NUTF2: variants seen among roughly 807,000 people sequenced by gnomAD.
The protein encoded by NUTF2 is nuclear transport factor 2.
NUTF2 carries 3 observed loss-of-function variants against 18.5 expected under a neutral mutation model. The ratio of observed to expected loss-of-function variants is 0.16; its 90% CI spans 0.07 to 0.42. The LOEUF (loss-of-function observed/expected upper bound fraction) is 0.42. Ranked by LOEUF, NUTF2 falls within the 10% of genes least tolerant of loss-of-function variation. The pLI is 0.99. For synonymous variants in NUTF2, 51 were observed against 57.9 expected, an observed-to-expected ratio of 0.88 and a Z score of 0.54; for missense variants, 44 against 160.7, an observed-to-expected ratio of 0.27 and a Z score of 3.93.
intron 2 of NUTF2, among the ~76,000 whole-genome samples, chr16:67,866,971 T>G (rs2057977242): frequency 6.7e-6 from 1 of 150,106 alleles, no homozygotes. Flanking sequence ...TCATTATCAC[T>G]CTCCCTTTTT....
intron 2 of NUTF2, among the ~76,000 whole-genome samples, chr16:67,868,003 T>C (rs1567385363): frequency 6.6e-6 from 1 of 152,178 alleles, no homozygotes; most frequent in Non-Finnish European, 1.5e-5. Flanking sequence ...TGATGACCTT[T>C]TGGGACTGAC....
At chr16:67,855,900 T>TGGGGGGGGGG (rs1256646247) in intron 1 of NUTF2, 1 of 222,106 alleles carries the variant, frequency 4.5e-6, no homozygotes, top group Non-Finnish European at 8.0e-6. Context: ...GGGGGGGGGA[T>TGGGGGGGGGG]GGGGGAAATG....
chr16:67,857,625 C>T (rs1224305327), intron 1 of NUTF2, among the ~76,000 whole-genome samples: 2 of 152,214 alleles, frequency 1.3e-5, no homozygotes, highest in Admixed American at 6.5e-5. Context: ...CCATTCATTA[C>T]CTCCTAACAT....
chr16:67,848,643 G>A (rs1236228070), intron 1 of NUTF2, among the ~76,000 whole-genome samples: 1 of 151,980 alleles, frequency 6.6e-6, no homozygotes, highest in East Asian at 1.9e-4. Flanking sequence ...TTGGGAGGCT[G>A]AGGCAGGAGA....
chr16:67,870,641 A>C, intron 4 of NUTF2, 159 bp from the exon 5 acceptor site: 1 of 667,632 alleles, frequency 1.5e-6, no homozygotes, highest in Non-Finnish European at 2.7e-6. Flanking sequence ...ACATTACATC[A>C]ATTCACATTC....
At chr16:67,868,209 C>T (rs1183020113) in intron 2 of NUTF2, 131 bp from the exon 3 acceptor site, 7 of 728,166 alleles carry the variant, frequency 9.6e-6, no homozygotes, top group Non-Finnish European at 1.6e-5. Flanking sequence ...TACTCAGTCT[C>T]CTTCTTTAGA....
At chr16:67,850,986 A>C (rs1255012953) in intron 1 of NUTF2, among the ~76,000 whole-genome samples, 17 of 150,574 alleles carry the variant, frequency 1.1e-4, no homozygotes, top group Admixed American at 1.1e-3. Context: ...TTCTTAGTAG[A>C]GATGGGGTTT....
rs2057990350 is a variant in NUTF2 at position 67,868,563 on chromosome 16, T to C, written c.234T>C (p.Asp78=). 6.2e-7 allele frequency: 1 copy of C among 1,613,988 alleles called. No individual in the cohort carries two copies. The highest frequency in any genetic ancestry group is 8.5e-7 in the Non-Finnish European group (1 of 1,179,950). The change falls in exon 4 of 5, where the codon GAT becomes GAC. Residue 78 remains aspartate, a synonymous_variant. Coordinates refer to ENST00000219169, the MANE Select transcript of NUTF2 (RefSeq NM_005796.3). ...ITAQDHQPTP[D]SCIISMVVGQ... ...CGCAGGACCATCAGCCCACTCCAGA[T>C]AGCTGCATCATCAGCATGGTTGTGG...
chr16:67,864,199 A>G (rs2057953153), intron 1 of NUTF2, among the ~76,000 whole-genome samples: 9 of 152,146 alleles, frequency 5.9e-5, no homozygotes, highest in Admixed American at 5.9e-4. Flanking sequence ...CTAAGGGATC[A>G]CTTGCTGTTT....
chr16:67,852,519 G>A (rs1422945589), intron 1 of NUTF2, among the ~76,000 whole-genome samples: 2 of 151,824 alleles, frequency 1.3e-5, no homozygotes, highest in Non-Finnish European at 2.9e-5. Flanking sequence ...GGTATAATCC[G>A]GCTAATTTTA....
At chr16:67,861,146 A>G (rs1486378032) in intron 1 of NUTF2, among the ~76,000 whole-genome samples, 2 of 152,192 alleles carry the variant, frequency 1.3e-5, no homozygotes, top group Non-Finnish European at 2.9e-5. Flanking sequence ...GGTCAGTCCA[A>G]TTCCACCACC....
At chr16:67,864,225 C>T (rs2057953375) in intron 1 of NUTF2, among the ~76,000 whole-genome samples, 1 of 152,118 alleles carries the variant, frequency 6.6e-6, no homozygotes, top group Non-Finnish European at 1.5e-5. Context: ...AGAGGAGGGC[C>T]CTTGGCTGGG....
intron 4 of NUTF2, among the ~76,000 whole-genome samples, chr16:67,869,560 C>A (rs1374237918): frequency 1.3e-5 from 2 of 151,462 alleles, no homozygotes; most frequent in African/African-American, 4.8e-5. Flanking sequence ...CCGAGGCAGG[C>A]AGATTACCTG....
At chr16:67,867,959 T>G (rs2151300924) in intron 2 of NUTF2, among the ~76,000 whole-genome samples, 1 of 152,332 alleles carries the variant, frequency 6.6e-6, no homozygotes, top group African/African-American at 2.4e-5. Flanking sequence ...GTTCTGGGAT[T>G]ACAGGCGTGA....
At chr16:67,851,091 G>T (rs888861098) in intron 1 of NUTF2, among the ~76,000 whole-genome samples, 1 of 151,984 alleles carries the variant, frequency 6.6e-6, no homozygotes, top group Non-Finnish European at 1.5e-5. Flanking sequence ...GTGAGCCACC[G>T]CACCTGGCCG....
chr16:67,857,576 C>T (rs924280185), intron 1 of NUTF2, among the ~76,000 whole-genome samples: 2 of 152,192 alleles, frequency 1.3e-5, no homozygotes, highest in South Asian at 2.1e-4. Flanking sequence ...CACCTAGGAA[C>T]CCATACTGAC....
intron 1 of NUTF2, among the ~76,000 whole-genome samples, chr16:67,852,994 T>A (rs1385716016): frequency 1.3e-5 from 2 of 152,204 alleles, no homozygotes; most frequent in Non-Finnish European, 1.5e-5. Flanking sequence ...TTTTTTTCTT[T>A]CTTTTTAAAG....
chr16:67,861,905 C>CT (rs2057937530), intron 1 of NUTF2, among the ~76,000 whole-genome samples: 1 of 152,118 alleles, frequency 6.6e-6, no homozygotes, highest in South Asian at 2.1e-4. Context: ...GCTCTGCACT[C>CT]TTGCTTCTTT....
At chr16:67,860,204 C>T (rs1009939200) in intron 1 of NUTF2, among the ~76,000 whole-genome samples, 3 of 152,164 alleles carry the variant, frequency 2.0e-5, no homozygotes, top group Non-Finnish European at 2.9e-5. Context: ...TGGTCTTGAT[C>T]TCCTGACCCT....
Sources: gnomAD v4.1 joint callset for allele counts (sites outside exome capture counted in the v4.1 genomes callset) on GRCh38, gnomAD v4.1.1 for gene constraint, MANE v1.5 for transcripts, NCBI Gene and HGNC (gene_info 2026-07-23, HGNC 2026-07-21) for gene names.